Variants in RPAP3 observed in about 807,000 individuals in gnomAD.
RPAP3 encodes RNA polymerase II-associated protein 3.
A neutral mutation model predicts 88.8 loss-of-function variants in RPAP3; 58 were observed. That is an observed-to-expected ratio of 0.65 (90% CI 0.53 to 0.81). The LOEUF is 0.81. Among genes scored for constraint, RPAP3 ranks in the 40% least tolerant of loss-of-function variants. The pLI is 0.00. For synonymous variants in RPAP3, 255 were observed against 259.9 expected (o/e 0.98, Z 0.18); for missense variants, 751 against 764.3 (o/e 0.98, Z 0.20).
At chr12:47,680,017 C>CCT (rs1453928866) in intron 10 of RPAP3, among the ~76,000 whole-genome samples, 1 of 152,166 alleles carries the variant, frequency 6.6e-6, no homozygotes, top group East Asian at 1.9e-4. Context: ...AACTGAGGCC[C>CCT]CTAGAGGTCA....
In RPAP3 at chr12:47,701,614, G is replaced by GAA; in HGVS notation, c.154-12_154-11dup. The GAA allele has an allele frequency of 7.3e-6, 11 of 1,512,604 alleles. No homozygotes were observed. Among genetic ancestry groups the GAA allele is most frequent in the East Asian group, 4.8e-5 (2 of 41,564 alleles). 93.7% of individuals were successfully genotyped at this position (1,512,604 alleles called of 1,614,324 possible). On this transcript the variant is annotated splice_polypyrimidine_tract_variant and intron_variant, in intron 2 of 16. Transcript: ENST00000005386. The stretch of plus-strand genomic sequence containing the variant: ...GAATAGGAGGTAAATTCTAAGGAGG[G>GAA]AAAAAAAAACACAAAGTTGTGAGTA...
At chr12:47,669,269 G>A (rs73102201) in intron 13 of RPAP3, among the ~76,000 whole-genome samples, 167 bp from the exon 14 acceptor site, 9,166 of 151,726 alleles carry the variant, frequency 0.06, 351 homozygotes, top group Middle Eastern at 0.12. Flanking sequence ...AACATTTTTT[G>A]GCAAAACAGA....
chr12:47,681,819 T>G lies in RPAP3; in HGVS notation c.993-2A>C. 6.3e-7 allele frequency: 1 copy of G among 1,580,952 alleles called. No homozygotes were observed. Among genetic ancestry groups the G allele is most frequent in the Non-Finnish European group, 8.6e-7 (1 of 1,169,152 alleles). On this transcript the variant is annotated splice_acceptor_variant, in intron 9 of 16. Transcript: ENST00000005386. LOFTEE classifies it high-confidence loss of function. ...CAGTCTTTTTCAGCTTCTTCATATC[T>G]ATTGAACATGATAAAATTACTGACT...
Position 47,670,358 on chromosome 12 carries a change from A to G in RPAP3, c.1288-13T>C. The G allele has an allele frequency of 1.4e-6, 2 of 1,436,490 alleles. No individual in the cohort carries two copies. The highest frequency in any genetic ancestry group is 1.9e-6 in the Non-Finnish European group (2 of 1,033,038). 89.0% of individuals were successfully genotyped at this position (1,436,490 alleles called of 1,614,324 possible). A position where few individuals can be genotyped will look rare whatever the true frequency, so the allele number is the denominator to read the frequency against. On this transcript the variant is annotated splice_polypyrimidine_tract_variant and intron_variant, in intron 12 of 16. Coordinates refer to ENST00000005386, the MANE Select transcript of RPAP3 (RefSeq NM_024604.3). Reference sequence around the variant, plus strand: ...TCTTGAGTGGTTTCTAAAACAATTAAAATCAATTCCTTAAATCAAAATATT... The same window carrying G: ...TCTTGAGTGGTTTCTAAAACAATTAGAATCAATTCCTTAAATCAAAATATT...
chr12:47,670,602 G>A lies in RPAP3; in HGVS notation c.1288-257C>T, dbSNP rs557647552. Among the ~76,000 whole-genome samples, 11 of 152,302 alleles carry A rather than the reference G, an allele frequency of 7.2e-5. No homozygotes were observed. In the East Asian group the frequency reaches 1.9e-3, roughly 27 times the overall value. Reference sequence around the variant, plus strand: ...AAGGCCATGGTCATGTTTAAGAGATGAAAGCACAAAACGCTAAGAGAACAC... The same window carrying A: ...AAGGCCATGGTCATGTTTAAGAGATAAAAGCACAAAACGCTAAGAGAACAC... On this transcript the variant is annotated intron_variant, in intron 12 of 16. Transcript: ENST00000005386.
Position 47,667,803 on chromosome 12 carries a change from G to A in RPAP3, c.1762C>T (p.Pro588Ser). The A allele has an allele frequency of 1.2e-6, 2 of 1,606,512 alleles. No homozygotes were observed. Among genetic ancestry groups the A allele is most frequent in the Non-Finnish European group, 1.7e-6 (2 of 1,175,782 alleles). Residue 588 changes from proline (P) to serine (S), a missense_variant, in exon 15 of 17, where the codon CCA becomes TCA. Coordinates refer to ENST00000005386, the MANE Select transcript of RPAP3 (RefSeq NM_024604.3). ...YPKLFQKNLD[P>S]DVFNQIVKIL... The stretch of plus-strand genomic sequence containing the variant: ...TTAACGATCTGGTTGAATACATCTG[G>A]ATCCAGATTTTTCTGAAACAACTTA...
chr12:47,683,298 C>A (rs534770247), intron 9 of RPAP3, among the ~76,000 whole-genome samples: 1 of 152,264 alleles, frequency 6.6e-6, no homozygotes, highest in African/African-American at 2.4e-5. Flanking sequence ...TCACTCCCTG[C>A]AAATTTCGGG....
chr12:47,664,443 A>G (rs1242220172), intron 16 of RPAP3: 1 of 152,216 alleles, frequency 6.6e-6, no homozygotes, highest in African/African-American at 2.4e-5. Context: ...AATCATATTT[A>G]CTACCACTGA....
Position 47,700,709 on chromosome 12 carries a change from T to C in RPAP3, c.294+755A>G, listed in dbSNP as rs141391753. On this transcript the variant is annotated intron_variant, in intron 3 of 16. Transcript: ENST00000005386. ...CTCCAAGTATGTTGTGTATCACATG[T>C]GGGAGATGGGAGGACACATATCTGC... Among the ~76,000 whole-genome samples the C allele has an allele frequency of 3.4e-3, 518 of 152,250 alleles. 3 individuals are homozygous for C. Among genetic ancestry groups the C allele is most frequent in the African/African-American group, 0.012 (490 of 41,552 alleles).
intron 9 of RPAP3, among the ~76,000 whole-genome samples, chr12:47,683,379 G>C (rs1234860946): frequency 6.6e-6 from 1 of 152,072 alleles, no homozygotes; most frequent in African/African-American, 2.4e-5. Flanking sequence ...CAGAACACCT[G>C]ATACATTTTA....
chr12:47,691,286 C>CT (rs1246892178), intron 5 of RPAP3, among the ~76,000 whole-genome samples: 3 of 152,180 alleles, frequency 2.0e-5, no homozygotes, highest in Non-Finnish European at 4.4e-5. Flanking sequence ...AAACCACTTT[C>CT]TTTGCTCATC....
At chr12:47,671,654 G>C (rs928481452) in intron 12 of RPAP3, among the ~76,000 whole-genome samples, 3 of 152,190 alleles carry the variant, frequency 2.0e-5, no homozygotes, top group African/African-American at 7.2e-5. Context: ...GCTAAGAACT[G>C]TATCAGCAAA....
chr12:47,696,320 G>T lies in RPAP3; in HGVS notation c.501C>A (p.Pro167=). The T allele has an allele frequency of 6.3e-7, 1 of 1,586,366 alleles. No individual in the cohort carries two copies. Among genetic ancestry groups the T allele is most frequent in the Non-Finnish European group, 8.6e-7 (1 of 1,165,878 alleles). Residue 167 remains proline, a synonymous_variant, in exon 5 of 17, where the codon CCC becomes CCA. Coordinates refer to ENST00000005386, the MANE Select transcript of RPAP3 (RefSeq NM_024604.3). Reference sequence around the variant, plus strand: ...CTGACGCTCTGTTCGTTGGCAACACGGGATTATATGGATCGGCATCCATGC... The same window carrying T: ...CTGACGCTCTGTTCGTTGGCAACACTGGATTATATGGATCGGCATCCATGC... ...TKGMDADPYN[P]VLPTNRASAY...
Position 47,666,897 on chromosome 12 carries a change from A to G in RPAP3, c.1912+83T>C, listed in dbSNP as rs1014220439. On this transcript the variant is annotated intron_variant, in intron 16 of 16. Transcript: ENST00000005386. ...AAATATAACCTTATACACAATAAGT[A>G]GTCAATAAATGTCAGCTATTATTTG... The G allele has an allele frequency of 5.4e-6, 3 of 551,372 alleles. No individual in the cohort carries two copies. The Admixed American group carries it at 1.0e-4, about 18-fold the overall frequency. 34.2% of individuals were successfully genotyped at this position (551,372 alleles called of 1,614,324 possible). A position where few individuals can be genotyped will look rare whatever the true frequency, so the allele number is the denominator to read the frequency against.
intron 9 of RPAP3, among the ~76,000 whole-genome samples, chr12:47,684,864 G>T (rs898339422): frequency 1.3e-5 from 2 of 152,082 alleles, no homozygotes; most frequent in Non-Finnish European, 2.9e-5. Flanking sequence ...GTCAACAAAA[G>T]AATCTATCTC....
intron 16 of RPAP3, among the ~76,000 whole-genome samples, chr12:47,665,001 A>C (rs1938840524): frequency 6.6e-6 from 1 of 152,224 alleles, no homozygotes; most frequent in Non-Finnish European, 1.5e-5. Context: ...CCAAATGAAG[A>C]AGCACACAAG....
chr12:47,688,753 CAAT>C (rs1939373019), intron 7 of RPAP3, among the ~76,000 whole-genome samples: 1 of 152,164 alleles, frequency 6.6e-6, no homozygotes, highest in Non-Finnish European at 1.5e-5. Flanking sequence ...ATCTTATGTG[CAAT>C]AGTAGTGGTA....
At chr12:47,699,197 C>T (rs1473194936) in intron 3 of RPAP3, among the ~76,000 whole-genome samples, 1 of 152,204 alleles carries the variant, frequency 6.6e-6, no homozygotes, top group Non-Finnish European at 1.5e-5. Context: ...GCAGTACAAT[C>T]TTGATGGCAT....
chr12:47,702,424 C>G (rs1306981403), intron 2 of RPAP3, among the ~76,000 whole-genome samples: 1 of 151,516 alleles, frequency 6.6e-6, no homozygotes, highest in Non-Finnish European at 1.5e-5. Flanking sequence ...CGTGGTGGTG[C>G]ACGCCTGTAG....
Sources: gnomAD v4.1 joint callset for allele counts (sites outside exome capture counted in the v4.1 genomes callset) on GRCh38, gnomAD v4.1.1 for gene constraint, MANE v1.5 for transcripts, NCBI Gene and HGNC (gene_info 2026-07-23, HGNC 2026-07-21) for gene names.